The following SLC12A1 variants were observed in gnomAD, a reference collection of about 807,000 sequenced individuals.
The protein encoded by SLC12A1 is Na-K-2Cl cotransporter.
SLC12A1 carries 89 observed loss-of-function variants against 130.4 expected under a neutral mutation model. The observed-to-expected ratio is 0.68, with a 90% CI of 0.58 to 0.81. SLC12A1 has a LOEUF of 0.81. Ranked by LOEUF, SLC12A1 falls within the 40% of genes least tolerant of loss-of-function variation. SLC12A1 has a pLI of 0.00. For missense variants in SLC12A1, 1,310 were observed against 1,336.4 expected (o/e 0.98, Z 0.31); for synonymous variants, 499 against 460.0 (o/e 1.08, Z -1.09).
intron 11 of SLC12A1, among the ~76,000 whole-genome samples, chr15:48,245,539 T>C (rs1489709974): frequency 6.6e-6 from 1 of 152,228 alleles, no homozygotes; most frequent in Non-Finnish European, 1.5e-5. Context: ...TCCGTTCCTG[T>C]GTTAATTTGC....
chr15:48,281,036 AG>A (rs2042004521), intron 20 of SLC12A1, among the ~76,000 whole-genome samples: 2 of 152,236 alleles, frequency 1.3e-5, no homozygotes, highest in South Asian at 4.2e-4. Flanking sequence ...AATAAACGGG[AG>A]GGGTGGCAGC....
chr15:48,278,120 A>G (rs1349077337), intron 20 of SLC12A1, among the ~76,000 whole-genome samples: 1 of 152,226 alleles, frequency 6.6e-6, no homozygotes, highest in Non-Finnish European at 1.5e-5. Context: ...GTAGAACTTA[A>G]TACTTTAGTA....
In SLC12A1 at chr15:48,267,550, G is replaced by A. The variant is rs901157905; in HGVS notation, c.2155-11G>A. ...GCAGGGTTCTAACCAATATTTCATT[G>A]TGTCACACAGGGACCGCGCAAACTG... On this transcript the variant is annotated splice_polypyrimidine_tract_variant and intron_variant, in intron 17 of 26. Transcript: ENST00000380993. The A allele has an allele frequency of 6.2e-7, 1 of 1,612,998 alleles. No individual in the cohort carries two copies. The highest frequency in any genetic ancestry group is 8.5e-7 in the Non-Finnish European group (1 of 1,179,276).
At chr15:48,291,592 T>C (rs2042122086) in intron 23 of SLC12A1, among the ~76,000 whole-genome samples, 186 bp from the exon 24 acceptor site, 1 of 152,208 alleles carries the variant, frequency 6.6e-6, no homozygotes, top group Admixed American at 6.5e-5. Context: ...TGAAATAGCT[T>C]GGTCCACACT....
intron 4 of SLC12A1, 30 bp from the exon 5 acceptor site, chr15:48,226,446 G>A: frequency 7.4e-7 from 1 of 1,342,404 alleles, no homozygotes; most frequent in Non-Finnish European, 1.0e-6. Flanking sequence ...AAAGTAAAAT[G>A]CAATATCTTC....
At chr15:48,221,049 A>T in intron 4 of SLC12A1, 53 bp downstream of exon 4, 1 of 1,507,728 alleles carries the variant, frequency 6.6e-7, no homozygotes, top group Non-Finnish European at 9.2e-7. Flanking sequence ...TAAATTCAAT[A>T]AGCAATCTTT....
chr15:48,269,725 C>T lies in SLC12A1; in HGVS notation c.2363C>T (p.Ala788Val), dbSNP rs933846909. Residue 788 changes from alanine (A) to valine (V), a missense_variant, in exon 19 of 27, where the codon GCT becomes GTT. Physicochemically the swap from Ala to Val is moderately conservative, Grantham distance 64 (BLOSUM62 0). Transcript: ENST00000380993. ...VIGYKKNWRK[A>V]PLTEIENYVG... ...GGATATAAGAAAAACTGGAGGAAAG[C>T]TCCCTTGACAGAGATTGAGAACTAC... The T allele has an allele frequency of 3.1e-6, 5 of 1,610,734 alleles. No homozygotes were observed. The highest frequency in any genetic ancestry group is 1.1e-5 in the South Asian group (1 of 90,944).
In SLC12A1 at chr15:48,303,273, C is replaced by G. The variant is rs1455430587; in HGVS notation, c.*388C>G. ...TCTCAGCCCTGGTATAGGTCTCAGCCCCACAGCAGGATCTCAATAAATGCT... is the reference window on the plus strand; with the variant it reads ...TCTCAGCCCTGGTATAGGTCTCAGCGCCACAGCAGGATCTCAATAAATGCT... On this transcript the variant is annotated 3_prime_UTR_variant, in exon 27 of 27. Coordinates refer to ENST00000380993, the MANE Select transcript of SLC12A1 (RefSeq NM_000338.3). 2 of 156,996 alleles carry G rather than the reference C, an allele frequency of 1.3e-5. No homozygotes were observed. The highest frequency in any genetic ancestry group is 1.9e-4 in the East Asian group (1 of 5,378). 9.7% of individuals were successfully genotyped at this position (156,996 alleles called of 1,614,324 possible). A position where few individuals can be genotyped will look rare whatever the true frequency, so the allele number is the denominator to read the frequency against.
rs533558152 is a variant in SLC12A1, at chr15:48,301,505, G to T, written c.3164+123G>T. 9.4e-5 allele frequency: 52 copies of T among 553,192 alleles called. 1 individual carries two copies. The highest frequency in any genetic ancestry group is 1.2e-4 in the Non-Finnish European group (39 of 333,824). 34.3% of individuals were successfully genotyped at this position (553,192 alleles called of 1,614,324 possible). On this transcript the variant is annotated intron_variant, in intron 26 of 26. Transcript: ENST00000380993. ...TGTTTTGTTTTTGTGTTTTTTTTGG[G>T]GGGGGGAACACGTGGGATTCTTAGA...
chr15:48,300,270 A>G (rs2042218241), intron 25 of SLC12A1, among the ~76,000 whole-genome samples: 1 of 151,438 alleles, frequency 6.6e-6, no homozygotes, highest in Non-Finnish European at 1.5e-5. Context: ...GGCAGAGGTG[A>G]GCTGAGCTCG....
intron 23 of SLC12A1, among the ~76,000 whole-genome samples, chr15:48,289,877 A>G (rs1456077139): frequency 6.6e-6 from 1 of 152,224 alleles, no homozygotes; most frequent in Non-Finnish European, 1.5e-5. Flanking sequence ...TGTAGATTTT[A>G]TCAACACTGT....
intron 19 of SLC12A1, among the ~76,000 whole-genome samples, chr15:48,274,182 TTG>T (rs1255222528): frequency 6.6e-6 from 1 of 152,014 alleles, no homozygotes; most frequent in East Asian, 1.9e-4. Context: ...GGCGGCCAGG[TTG>T]GGGGTGGTGG....
intron 17 of SLC12A1, among the ~76,000 whole-genome samples, chr15:48,262,835 A>G (rs2041790929): frequency 6.6e-6 from 1 of 152,210 alleles, no homozygotes; most frequent in Non-Finnish European, 1.5e-5. Context: ...ATTTCTAAGC[A>G]TAGCCAAGTT....
chr15:48,238,410 T>C (rs879898007), intron 9 of SLC12A1, among the ~76,000 whole-genome samples: 7 of 152,110 alleles, frequency 4.6e-5, no homozygotes, highest in Non-Finnish European at 7.4e-5. Flanking sequence ...CAGAAGAGGT[T>C]TGAGGCAGCG....
At chr15:48,257,776 G>C (rs572915445) in intron 16 of SLC12A1, among the ~76,000 whole-genome samples, 2 of 152,344 alleles carry the variant, frequency 1.3e-5, no homozygotes, top group East Asian at 3.9e-4. Flanking sequence ...GAGAGAGGCT[G>C]CTGTGAAGTT....
At chr15:48,235,091 A>G (rs1184645130) in intron 9 of SLC12A1, 87 bp downstream of exon 9, 2 of 1,322,976 alleles carry the variant, frequency 1.5e-6, no homozygotes, top group Non-Finnish European at 2.2e-6. Flanking sequence ...AGATGTGACC[A>G]TATTACCCTA....
At position 48,229,341 on chromosome 15, in the gene SLC12A1, T is replaced by C. The variant is rs2041339067; in HGVS notation, c.864+13T>C. The C allele has an allele frequency of 6.3e-7, 1 of 1,575,086 alleles. No individual in the cohort carries two copies. The highest frequency in any genetic ancestry group is 8.6e-7 in the Non-Finnish European group (1 of 1,158,980). On this transcript the variant is annotated intron_variant, in intron 6 of 26. Transcript: ENST00000380993. ...AGATCTTCTTAAGGTAATTAAAAGC[T>C]TTTCTTTTTTTCTGCCAAGCAGCAT...
At chr15:48,244,017 T>G (rs2041548317) in intron 10 of SLC12A1, among the ~76,000 whole-genome samples, 1 of 152,220 alleles carries the variant, frequency 6.6e-6, no homozygotes, top group Admixed American at 6.5e-5. Context: ...AAGAGTCTTC[T>G]AAATGACCAT....
chr15:48,301,510 G>GGGGGGGGT, intron 26 of SLC12A1, 128 bp downstream of exon 26: 1 of 497,246 alleles, frequency 2.0e-6, no homozygotes, highest in South Asian at 2.7e-5. Flanking sequence ...TTTGGGGGGG[G>GGGGGGGGT]GAACACGTGG....
Sources: allele counts gnomAD v4.1 joint callset (sites outside exome capture counted in the v4.1 genomes callset), GRCh38; gene constraint gnomAD v4.1.1; transcripts MANE v1.5; gene names NCBI Gene and HGNC (gene_info 2026-07-23, HGNC 2026-07-21).